TRAM2: variants seen among roughly 807,000 people sequenced by gnomAD.
TRAM2 encodes the protein translocation associated membrane protein 2, also known as translocating chain-associated membrane protein 2.
A neutral mutation model predicts 51.0 loss-of-function variants in TRAM2; 12 were observed. That is an observed-to-expected ratio of 0.24 (90% CI 0.15 to 0.38). TRAM2 has a LOEUF of 0.38. TRAM2 is among the 10% of genes least tolerant of loss of function. The pLI, the probability that TRAM2 is intolerant of heterozygous loss-of-function variation, is 1.00. For missense variants in TRAM2, 361 were observed against 462.0 expected (o/e 0.78, Z 2.00); for synonymous variants, 175 against 179.4 (o/e 0.98, Z 0.20).
At chr6:52,539,891 A>C (rs1767047168) in intron 1 of TRAM2, among the ~76,000 whole-genome samples, 1 of 152,102 alleles carries the variant, frequency 6.6e-6, no homozygotes, top group Admixed American at 6.5e-5. Flanking sequence ...GTTTCTCATA[A>C]ATTCCTATTT....
At chr6:52,549,749 C>A (rs1191550528) in intron 1 of TRAM2, among the ~76,000 whole-genome samples, 1 of 152,176 alleles carries the variant, frequency 6.6e-6, no homozygotes, top group African/African-American at 2.4e-5. Flanking sequence ...TGAGTATTAT[C>A]TGAACCAGCC....
chr6:52,507,571 G>C lies in TRAM2; in HGVS notation c.608C>G (p.Ala203Gly), dbSNP rs1766372227. Residue 203 changes from alanine to glycine, a missense_variant, in exon 7 of 11, where the codon GCT (alanine) becomes GGT (glycine). Physicochemically the swap from Ala to Gly is moderately conservative, Grantham distance 60. Transcript: ENST00000182527. ...CACTCACTTTAAGAGGTATGCTCCA[G>C]CTATATGCACCAGGTACAGGCAAAT... ...QYICLYLVHI[A>G]GAYLLNLSRL... is the part of the protein sequence containing the mutation. 1 of 1,614,066 alleles carries C rather than the reference G, an allele frequency of 6.2e-7. No homozygotes were observed. The highest frequency in any genetic ancestry group is 1.3e-5 in the African/African-American group (1 of 74,922).
intron 1 of TRAM2, among the ~76,000 whole-genome samples, chr6:52,566,347 G>A (rs1050662545): frequency 2.0e-5 from 3 of 152,232 alleles, no homozygotes; most frequent in African/African-American, 7.2e-5. Flanking sequence ...TGAAGTCTCT[G>A]AATCAACACC....
At chr6:52,508,606 TGAG>T in intron 5 of TRAM2, among the ~76,000 whole-genome samples, 1 of 152,134 alleles carries the variant, frequency 6.6e-6, no homozygotes, top group Non-Finnish European at 1.5e-5. Flanking sequence ...CCTTCAGCCT[TGAG>T]GAGGGAGCTG....
chr6:52,529,173 G>A (rs1222062368), intron 2 of TRAM2, among the ~76,000 whole-genome samples: 1 of 152,174 alleles, frequency 6.6e-6, no homozygotes, highest in Non-Finnish European at 1.5e-5. Flanking sequence ...TTACAGGTGT[G>A]AGCCACCGTG....
chr6:52,516,652 A>C lies in TRAM2; in HGVS notation c.270T>G (p.Ala90=). 1 of 1,614,060 alleles carries C rather than the reference A, an allele frequency of 6.2e-7. No individual in the cohort carries two copies. The highest frequency in any genetic ancestry group is 8.5e-7 in the Non-Finnish European group (1 of 1,179,882). The change falls in exon 3 of 11, where the codon GCT becomes GCG. Residue 90 remains alanine, a synonymous_variant. Coordinates refer to ENST00000182527, the MANE Select transcript of TRAM2 (RefSeq NM_012288.4). Reference sequence around the variant, plus strand: ...CATCTAAAATGTACTCCTGAACCACAGCATGCAAGATGATGGTGATGAAGA... The same window carrying C: ...CATCTAAAATGTACTCCTGAACCACCGCATGCAAGATGATGGTGATGAAGA... ...FYIFITIILH[A]VVQEYILDKI... is the part of the protein sequence containing the mutation.
In TRAM2 at chr6:52,497,528, A is replaced by C. The variant is rs1029246878; in HGVS notation, c.*5669T>G. 4.6e-5 allele frequency: 7 copies of C among 152,672 alleles called. No individual in the cohort carries two copies. Among genetic ancestry groups the C allele is most frequent in the African/African-American group, 1.4e-4 (6 of 41,456 alleles). 9.5% of individuals were successfully genotyped at this position (152,672 alleles called of 1,614,324 possible). ...AAAACCAGACAGAAACAGTGGAAAA[A>C]TGATTTTGAAAAAAAGTTCACCAAA... is the stretch of plus-strand genomic sequence containing the variant. On this transcript the variant is annotated 3_prime_UTR_variant, in exon 11 of 11. Coordinates refer to ENST00000182527, the MANE Select transcript of TRAM2 (RefSeq NM_012288.4).
intron 1 of TRAM2, among the ~76,000 whole-genome samples, chr6:52,554,601 T>C (rs1489429641): frequency 2.0e-5 from 3 of 151,864 alleles, no homozygotes; most frequent in African/African-American, 7.3e-5. Context: ...GGGTAACTTA[T>C]TTCCACAGCC....
At chr6:52,505,886 G>C (rs1218294230) in intron 8 of TRAM2, 144 bp from the exon 9 acceptor site, 2 of 1,397,244 alleles carry the variant, frequency 1.4e-6, no homozygotes, top group Non-Finnish European at 1.9e-6. Context: ...TCTAAAATCA[G>C]ATGTTCCAGA....
At chr6:52,551,373 G>A (rs953583238) in intron 1 of TRAM2, among the ~76,000 whole-genome samples, 5 of 152,212 alleles carry the variant, frequency 3.3e-5, no homozygotes, top group African/African-American at 1.2e-4. Context: ...GTGCCACACA[G>A]GGTTGCTTGG....
intron 5 of TRAM2, among the ~76,000 whole-genome samples, chr6:52,509,062 G>T (rs898231451): frequency 6.6e-6 from 1 of 152,166 alleles, no homozygotes; most frequent in Non-Finnish European, 1.5e-5. Context: ...CAAAGATCTC[G>T]GGAAAGGCAA....
intron 1 of TRAM2, among the ~76,000 whole-genome samples, chr6:52,538,047 C>T (rs766431155): frequency 2.0e-5 from 3 of 152,166 alleles, no homozygotes; most frequent in Non-Finnish European, 4.4e-5. Context: ...CATTCCTGGC[C>T]CAACCACCTA....
chr6:52,503,992 G>A (rs1449139910), intron 10 of TRAM2, among the ~76,000 whole-genome samples: 5 of 152,152 alleles, frequency 3.3e-5, no homozygotes, highest in African/African-American at 4.8e-5. Context: ...AGAAAGCAGC[G>A]CCCAGTGCAG....
intron 2 of TRAM2, among the ~76,000 whole-genome samples, chr6:52,532,810 A>G (rs1046772918): frequency 8.1e-6 from 1 of 123,544 alleles, no homozygotes; most frequent in Admixed American, 7.4e-5. Context: ...TTATAAAAAC[A>G]AAAAATTGTG....
chr6:52,524,841 C>G (rs1287600483), intron 2 of TRAM2: 1 of 151,990 alleles, frequency 6.6e-6, no homozygotes, highest in Non-Finnish European at 1.5e-5. Flanking sequence ...GTCATATGAC[C>G]CAGGGTCCCT....
intron 4 of TRAM2, among the ~76,000 whole-genome samples, chr6:52,510,750 A>C (rs947131571): frequency 6.6e-6 from 1 of 152,222 alleles, no homozygotes. Flanking sequence ...AAAGCCGCCA[A>C]GGTAAGAAAT....
chr6:52,557,098 C>T (rs1292928442), intron 1 of TRAM2, among the ~76,000 whole-genome samples: 1 of 151,484 alleles, frequency 6.6e-6, no homozygotes, highest in Non-Finnish European at 1.5e-5. Context: ...GAGGCTGAGG[C>T]AGGAGAATCG....
At chr6:52,560,238 A>C (rs190095595) in intron 1 of TRAM2, among the ~76,000 whole-genome samples, 93 of 150,986 alleles carry the variant, frequency 6.2e-4, no homozygotes, top group African/African-American at 2.5e-4. Flanking sequence ...CAAGAGCGAA[A>C]CTGTCTCAAA....
chr6:52,547,433 T>C (rs1015638167), intron 1 of TRAM2, among the ~76,000 whole-genome samples: 1 of 152,194 alleles, frequency 6.6e-6, no homozygotes, highest in Non-Finnish European at 1.5e-5. Context: ...ACACCTTGTC[T>C]TGATACACAC....
Sources: allele counts gnomAD v4.1 joint callset (sites outside exome capture counted in the v4.1 genomes callset), GRCh38; gene constraint gnomAD v4.1.1; transcripts MANE v1.5; gene names NCBI Gene and HGNC (gene_info 2026-07-23, HGNC 2026-07-21).